The following PDGFRL variants were observed in gnomAD, a reference collection of about 807,000 sequenced individuals.
PDGFRL encodes the protein platelet-derived growth factor receptor-like protein.
Under a neutral mutation model 37.2 loss-of-function variants are expected in PDGFRL, and 46 were observed. That is an observed-to-expected ratio of 1.24 (90% confidence interval 0.98 to 1.58). PDGFRL has a LOEUF of 1.58. PDGFRL is among the 40% of genes most tolerant of loss of function. The pLI, the probability that PDGFRL is intolerant of heterozygous loss-of-function variation, is 0.00. For synonymous variants in PDGFRL, 251 were observed against 184.3 expected, an observed-to-expected ratio of 1.36 and a Z score of -2.93; for missense variants, 692 against 467.6, an observed-to-expected ratio of 1.48 and a Z score of -4.43.
chr8:17,638,779 AT>A lies in PDGFRL; in HGVS notation c.940-3833del, dbSNP rs1563532536. Among the ~76,000 whole-genome samples the A allele has an allele frequency of 4.3e-3, 417 of 98,064 alleles. 10 individuals are homozygous for A. Among genetic ancestry groups the A allele is most frequent in the Non-Finnish European group, 6.3e-3 (310 of 49,516 alleles). 64.3% of individuals were successfully genotyped at this position (98,064 alleles called of 152,430 possible). On this transcript the variant is annotated intron_variant, in intron 5 of 5. Coordinates refer to ENST00000251630, the MANE Select transcript of PDGFRL (RefSeq NM_001372073.1). The stretch of plus-strand genomic sequence containing the variant: ...TATATATATATATATATATATATAT[AT>A]ATATATAATTGTGATATTTTCCTGT...
intron 2 of PDGFRL, among the ~76,000 whole-genome samples, chr8:17,597,961 A>C (rs144276165): frequency 6.6e-6 from 1 of 151,804 alleles, no homozygotes; most frequent in Non-Finnish European, 1.5e-5. Flanking sequence ...TATTCCATCA[A>C]TGTTATATAG....
rs150036548 is a variant in PDGFRL, at chr8:17,590,523, C to G, written c.353+758C>G. The stretch of plus-strand genomic sequence containing the variant: ...GGCCAGGAGTTGGAGATTAGCCTGG[C>G]CAACATGGTGAAACCCCGTCTCTAC... On this transcript the variant is annotated intron_variant, in intron 2 of 5. Coordinates refer to ENST00000251630, the MANE Select transcript of PDGFRL (RefSeq NM_001372073.1). Among the ~76,000 whole-genome samples, 569 of 152,004 alleles carry G rather than the reference C, an allele frequency of 3.7e-3. 7 individuals carry two copies. The highest frequency in any genetic ancestry group is 0.013 in the African/African-American group (519 of 41,504).
At chr8:17,614,587 AACTTGTTTAGAGACAAGG>A (rs1804486394) in intron 2 of PDGFRL, among the ~76,000 whole-genome samples, 1 of 152,054 alleles carries the variant, frequency 6.6e-6, no homozygotes, top group Non-Finnish European at 1.5e-5. Context: ...TAATTTTGTA[AACTTGTTTAGAGACAAGG>A]TCTCCCTCTG....
intron 2 of PDGFRL, among the ~76,000 whole-genome samples, chr8:17,610,607 C>A (rs563191203): frequency 5.9e-5 from 9 of 152,092 alleles, no homozygotes; most frequent in Non-Finnish European, 1.3e-4. Flanking sequence ...GAAAGATGAC[C>A]TTGTCAAATT....
At chr8:17,629,922 C>G (rs1302786559) in intron 4 of PDGFRL, among the ~76,000 whole-genome samples, 1 of 152,166 alleles carries the variant, frequency 6.6e-6, no homozygotes, top group Non-Finnish European at 1.5e-5. Context: ...ACCCATGAGG[C>G]TTAGATCCTG....
intron 1 of PDGFRL, among the ~76,000 whole-genome samples, chr8:17,581,074 A>C (rs1421275378): frequency 6.6e-6 from 1 of 152,122 alleles, no homozygotes; most frequent in Non-Finnish European, 1.5e-5. Context: ...CAATGAGGTT[A>C]CATTCACAGA....
chr8:17,606,690 T>C (rs1484842158), intron 2 of PDGFRL, among the ~76,000 whole-genome samples: 1 of 61,158 alleles, frequency 1.6e-5, no homozygotes, highest in Non-Finnish European at 3.8e-5. Flanking sequence ...ACAGCTATGT[T>C]CCGTTCAGGA....
intron 1 of PDGFRL, among the ~76,000 whole-genome samples, chr8:17,578,189 A>G (rs893989894): frequency 6.6e-6 from 1 of 152,018 alleles, no homozygotes; most frequent in Non-Finnish European, 1.5e-5. Context: ...GGTGTCCTCA[A>G]CCCTCTCTTG....
At chr8:17,605,146 A>G (rs116813506) in intron 2 of PDGFRL, among the ~76,000 whole-genome samples, 1,663 of 152,192 alleles carry the variant, frequency 0.011, 29 homozygotes, top group African/African-American at 0.038. Context: ...AGAGAGAGAG[A>G]CAGGGAGAGG....
At chr8:17,632,007 T>C (rs1449416000) in intron 4 of PDGFRL, among the ~76,000 whole-genome samples, 2 of 152,120 alleles carry the variant, frequency 1.3e-5, no homozygotes, top group Admixed American at 6.5e-5. Flanking sequence ...AGGTGTGCAA[T>C]GAGATGCTTC....
chr8:17,588,450 G>C (rs1244017901), intron 1 of PDGFRL, among the ~76,000 whole-genome samples: 3 of 152,046 alleles, frequency 2.0e-5, no homozygotes. Flanking sequence ...GCCTACGTGG[G>C]AGGGTTGCTT....
upstream of PDGFRL, chr8:17,577,002 C>G (rs892969168): frequency 2.4e-5 from 14 of 575,512 alleles, no homozygotes; most frequent in African/African-American, 2.3e-4. Flanking sequence ...CACGCTTAGC[C>G]TTTCCTCCCC....
intron 2 of PDGFRL, among the ~76,000 whole-genome samples, chr8:17,603,789 G>T (rs1321811194): frequency 2.0e-5 from 3 of 152,180 alleles, no homozygotes; most frequent in Non-Finnish European, 2.9e-5. Flanking sequence ...ATTAAAGTCT[G>T]TTAGCAAGTG....
In PDGFRL at chr8:17,599,311, C is replaced by T. The variant is rs566260535; in HGVS notation, c.353+9546C>T. Among the ~76,000 whole-genome samples the T allele has an allele frequency of 3.9e-5, 6 of 152,318 alleles. No individual in the cohort carries two copies. In the South Asian group the frequency reaches 1.0e-3, roughly 26 times the overall value. On this transcript the variant is annotated intron_variant, in intron 2 of 5. Transcript: ENST00000251630. ...CCCTCACTGCCCCAAACTCTTCCCC[C>T]CAAGTCCCTAAAGTCCATTGTATCA... is the stretch of plus-strand genomic sequence containing the variant.
At chr8:17,632,890 C>G (rs1230897082) in intron 4 of PDGFRL, among the ~76,000 whole-genome samples, 3 of 152,198 alleles carry the variant, frequency 2.0e-5, no homozygotes, top group Non-Finnish European at 1.5e-5. Flanking sequence ...GAAGCTCGGC[C>G]TTGAGATTTT....
At chr8:17,637,087 G>A (rs577284955) in intron 5 of PDGFRL, among the ~76,000 whole-genome samples, 5 of 152,168 alleles carry the variant, frequency 3.3e-5, no homozygotes, top group East Asian at 1.9e-4. Context: ...TCGCTTTATT[G>A]ATTTGGATGC....
intron 1 of PDGFRL, among the ~76,000 whole-genome samples, chr8:17,583,539 A>T (rs1803752384): frequency 6.6e-6 from 1 of 152,152 alleles, no homozygotes; most frequent in Non-Finnish European, 1.5e-5. Flanking sequence ...AATTTGCAGT[A>T]TTTGAAAGAC....
intron 1 of PDGFRL, among the ~76,000 whole-genome samples, chr8:17,580,406 C>T (rs3780115): frequency 0.27 from 40,808 of 151,870 alleles, 5,700 homozygotes; most frequent in Middle Eastern, 0.39. Flanking sequence ...TATGAATGCA[C>T]ATAATGAATG....
intron 2 of PDGFRL, among the ~76,000 whole-genome samples, chr8:17,598,828 G>C (rs938919547): frequency 6.6e-6 from 1 of 152,194 alleles, no homozygotes; most frequent in East Asian, 1.9e-4. Flanking sequence ...TACGTCTCAC[G>C]AGATCACATG....
Sources: allele counts gnomAD v4.1 joint callset (sites outside exome capture counted in the v4.1 genomes callset), GRCh38; gene constraint gnomAD v4.1.1; transcripts MANE v1.5; gene names NCBI Gene and HGNC (gene_info 2026-07-23, HGNC 2026-07-21).